Variants in MSH4 observed in about 807,000 individuals in gnomAD.
The protein encoded by MSH4 is mutS protein homolog 4.
MSH4 carries 106 observed loss-of-function variants against 113.7 expected under a neutral mutation model. The ratio of observed to expected loss-of-function variants is 0.93; its 90% CI spans 0.80 to 1.10. The LOEUF (loss-of-function observed/expected upper bound fraction) is 1.10. Among genes scored for constraint, MSH4 ranks in the 50% least tolerant of loss-of-function variants. MSH4 has a pLI of 0.00. For missense variants in MSH4, 1,061 were observed against 1,093.7 expected (o/e 0.97, Z 0.42); for synonymous variants, 368 against 380.2 (o/e 0.97, Z 0.37).
At chr1:75,875,741 G>A (rs984333634) in intron 9 of MSH4, among the ~76,000 whole-genome samples, 1 of 152,066 alleles carries the variant, frequency 6.6e-6, no homozygotes, top group African/African-American at 2.4e-5. Flanking sequence ...GGTACTCTGG[G>A]GGTGCTACCG....
intron 19 of MSH4, among the ~76,000 whole-genome samples, chr1:75,902,636 C>A (rs1652528692): frequency 1.2e-5 from 1 of 85,774 alleles, no homozygotes; most frequent in Non-Finnish European, 2.3e-5. Flanking sequence ...GTGAATAGTG[C>A]TGTGATGAAC....
chr1:75,889,558 A>T (rs1652204602), intron 16 of MSH4, among the ~76,000 whole-genome samples, 189 bp downstream of exon 16: 1 of 152,186 alleles, frequency 6.6e-6, no homozygotes, highest in African/African-American at 2.4e-5. Context: ...TGTTTAAGTG[A>T]AAATATAATT....
In MSH4 at chr1:75,883,903, C is replaced by T. The variant is rs1210430240; in HGVS notation, c.2107+82C>T. 7.7e-5 allele frequency: 86 copies of T among 1,110,434 alleles called. No homozygotes were observed. In the South Asian group the frequency reaches 1.3e-3, roughly 16 times the overall value. The allele number at this position is 1,110,434 out of a possible 1,614,324, so 68.8% of individuals were successfully genotyped here. On this transcript the variant is annotated intron_variant, in intron 15 of 19. Coordinates refer to ENST00000263187, the MANE Select transcript of MSH4 (RefSeq NM_002440.4). ...TGCCTAATTTTTTTAGGGCCATGTG[C>T]CTAATTAACCCAAGAACAGTTTGGA... is the stretch of plus-strand genomic sequence containing the variant.
At chr1:75,860,665 A>T (rs931245924) in intron 8 of MSH4, among the ~76,000 whole-genome samples, 4 of 152,146 alleles carry the variant, frequency 2.6e-5, no homozygotes, top group African/African-American at 9.7e-5. Flanking sequence ...CTTTGTGGGT[A>T]ACCTGACCTT....
At chr1:75,804,696 A>T (rs1282791198) in intron 2 of MSH4, among the ~76,000 whole-genome samples, 1 of 151,748 alleles carries the variant, frequency 6.6e-6, no homozygotes, top group African/African-American at 2.4e-5. Flanking sequence ...TTTTTAGTAG[A>T]GATGGGGTTT....
chr1:75,851,772 A>G (rs1272298374), intron 8 of MSH4, among the ~76,000 whole-genome samples: 1 of 152,160 alleles, frequency 6.6e-6, no homozygotes, highest in Non-Finnish European at 1.5e-5. Flanking sequence ...GCACTAGTAT[A>G]CCATCATTTC....
chr1:75,843,238 C>T (rs939622024), intron 7 of MSH4, among the ~76,000 whole-genome samples: 2 of 152,184 alleles, frequency 1.3e-5, no homozygotes, highest in South Asian at 2.1e-4. Flanking sequence ...GCCAGACATT[C>T]GGGGCCACTA....
intron 1 of MSH4, among the ~76,000 whole-genome samples, chr1:75,803,012 G>GATT (rs1354094421): frequency 6.6e-6 from 1 of 152,004 alleles, no homozygotes; most frequent in African/African-American, 2.4e-5. Context: ...ATCATGAATG[G>GATT]ATTAATTCAT....
chr1:75,861,224 G>C (rs1054247145), intron 8 of MSH4, among the ~76,000 whole-genome samples: 2 of 152,066 alleles, frequency 1.3e-5, no homozygotes, highest in Non-Finnish European at 2.9e-5. Flanking sequence ...CTTTAGCTTG[G>C]AGAAGTTTGT....
At chr1:75,828,166 G>A (rs1557498996) in intron 7 of MSH4, among the ~76,000 whole-genome samples, 1 of 152,184 alleles carries the variant, frequency 6.6e-6, no homozygotes, top group Non-Finnish European at 1.5e-5. Flanking sequence ...AACAGATGTT[G>A]GCAAGTCTGC....
intron 19 of MSH4, among the ~76,000 whole-genome samples, chr1:75,904,094 A>G (rs1411129917): frequency 1.3e-5 from 2 of 152,174 alleles, no homozygotes; most frequent in African/African-American, 2.4e-5. Flanking sequence ...AATTTTGTCA[A>G]ATACTTTTTC....
intron 9 of MSH4, among the ~76,000 whole-genome samples, chr1:75,869,554 T>C (rs561356383): frequency 6.6e-6 from 1 of 152,186 alleles, no homozygotes; most frequent in African/African-American, 2.4e-5. Context: ...CCCCGCTTGC[T>C]CTGTGCAGCC....
chr1:75,834,120 G>A (rs1417199873), intron 7 of MSH4, among the ~76,000 whole-genome samples: 1 of 152,090 alleles, frequency 6.6e-6, no homozygotes, highest in Non-Finnish European at 1.5e-5. Flanking sequence ...GTGGGCAAAG[G>A]ATATGAACAG....
chr1:75,896,321 A>G (rs1450112123), intron 17 of MSH4, among the ~76,000 whole-genome samples: 1 of 148,460 alleles, frequency 6.7e-6, no homozygotes, highest in African/African-American at 2.5e-5. Context: ...CCAATTCCAT[A>G]TAATAAATCT....
intron 7 of MSH4, among the ~76,000 whole-genome samples, chr1:75,837,109 T>A (rs1479679467): frequency 6.6e-6 from 1 of 152,100 alleles, no homozygotes; most frequent in East Asian, 1.9e-4. Context: ...TACACAAGGG[T>A]AGCCAGAGAC....
intron 17 of MSH4, among the ~76,000 whole-genome samples, chr1:75,891,954 TTGAC>T (rs1652266030): frequency 6.6e-6 from 1 of 152,166 alleles, no homozygotes; most frequent in Non-Finnish European, 1.5e-5. Context: ...ACATGTCAGT[TTGAC>T]TGGGCCACAG....
At chr1:75,841,187 C>G (rs1177653574) in intron 7 of MSH4, among the ~76,000 whole-genome samples, 1 of 89,208 alleles carries the variant, frequency 1.1e-5, no homozygotes. Context: ...CTCCCGCTTT[C>G]TCTTCTTTTT....
chr1:75,833,901 A>C (rs1483972600), intron 7 of MSH4, among the ~76,000 whole-genome samples: 3 of 152,182 alleles, frequency 2.0e-5, no homozygotes, highest in Non-Finnish European at 4.4e-5. Flanking sequence ...AAAACACCAA[A>C]AGCAATGGCA....
In MSH4 at chr1:75,796,916, T is replaced by TCTGTAGTTGGGCTA. The variant is rs1272861239; in HGVS notation, c.-66_-53dup. The stretch of plus-strand genomic sequence containing the variant: ...TCCCGCCCGTTTCAGCGGCGCAGCT[T>TCTGTAGTTGGGCTA]CTGTAGTTGGGCTACTGGAGGGGTC... On this transcript the variant is annotated 5_prime_UTR_variant, in exon 1 of 20. Transcript: ENST00000263187. The TCTGTAGTTGGGCTA allele has an allele frequency of 3.1e-6, 5 of 1,594,572 alleles. No individual in the cohort carries two copies. The African/African-American group carries it at 6.7e-5, about 21-fold the overall frequency.
Sources: allele counts gnomAD v4.1 joint callset (sites outside exome capture counted in the v4.1 genomes callset), GRCh38; gene constraint gnomAD v4.1.1; transcripts MANE v1.5; gene names NCBI Gene and HGNC (gene_info 2026-07-23, HGNC 2026-07-21).